The following HIVEP3 variants were observed in gnomAD, a reference collection of about 807,000 sequenced individuals.
The protein encoded by HIVEP3 is transcription factor HIVEP3.
Under a neutral mutation model 152.8 loss-of-function variants are expected in HIVEP3, and 49 were observed. The ratio of observed to expected loss-of-function variants is 0.32; its 90% confidence interval spans 0.26 to 0.41. The LOEUF (loss-of-function observed/expected upper bound fraction) is 0.41, where lower values mean the gene tolerates loss of function less well. Among genes scored for constraint, HIVEP3 ranks in the 10% least tolerant of loss-of-function variants. The pLI is 1.00. For synonymous variants in HIVEP3, 1,269 were observed against 1,289.0 expected, an observed-to-expected ratio of 0.98 and a Z score of 0.33; for missense variants, 2,790 against 3,103.3, an observed-to-expected ratio of 0.90 and a Z score of 2.40.
intron 1 of HIVEP3, among the ~76,000 whole-genome samples, chr1:41,718,413 C>T (rs750647305): frequency 1.3e-5 from 2 of 152,210 alleles, no homozygotes; most frequent in East Asian, 1.9e-4. Context: ...AAATGGTTGT[C>T]GTGAGAATTA....
intron 2 of HIVEP3, among the ~76,000 whole-genome samples, chr1:41,650,726 A>G (rs1449866261): frequency 6.6e-6 from 1 of 152,154 alleles, no homozygotes; most frequent in Non-Finnish European, 1.5e-5. Flanking sequence ...ATGTGCATAC[A>G]CAGACTTAAC....
chr1:41,788,393 C>T (rs762880948), intron 1 of HIVEP3, among the ~76,000 whole-genome samples: 30 of 152,184 alleles, frequency 2.0e-4, no homozygotes, highest in Non-Finnish European at 4.1e-4. Flanking sequence ...CTCAGAGAGG[C>T]GAAGTGGCCA....
chr1:42,034,231 C>T (rs1384849473), intron 1 of HIVEP3, among the ~76,000 whole-genome samples: 1 of 152,156 alleles, frequency 6.6e-6, no homozygotes, highest in African/African-American at 2.4e-5. Context: ...ATAAAGACCT[C>T]ATACATCAGA....
Position 41,855,388 on chromosome 1 carries a change from A to C in HIVEP3, c.-801+63025T>G, listed in dbSNP as rs561292158. ...AACTAAAGAGCTTCTGCACAGCAAA[A>C]GAAACTACCATCAGAGTGAACAGGC... On this transcript the variant is annotated intron_variant, in intron 1 of 8. Coordinates refer to ENST00000372583, the MANE Select transcript of HIVEP3 (RefSeq NM_024503.5). Among the ~76,000 whole-genome samples the C allele has an allele frequency of 2.2e-3, 332 of 152,290 alleles. 10 individuals carry two copies. The highest frequency in any genetic ancestry group is 0.021 in the Admixed American group (328 of 15,300).
intron 1 of HIVEP3, among the ~76,000 whole-genome samples, chr1:41,902,105 G>T (rs1644634698): frequency 6.6e-6 from 1 of 152,172 alleles, no homozygotes; most frequent in Admixed American, 6.5e-5. Flanking sequence ...GAGGAGGAGG[G>T]GTGGGTTACT....
At chr1:41,982,504 G>T (rs900621146) in intron 1 of HIVEP3, among the ~76,000 whole-genome samples, 1 of 152,048 alleles carries the variant, frequency 6.6e-6, no homozygotes, top group Admixed American at 6.6e-5. Context: ...TCAAAAAGAG[G>T]AATTTATGTA....
At chr1:41,906,834 C>CA (rs1553132451) in intron 1 of HIVEP3, among the ~76,000 whole-genome samples, 6 of 140,520 alleles carry the variant, frequency 4.3e-5, no homozygotes, top group Non-Finnish European at 9.3e-5. Flanking sequence ...TCCCCCTTTC[C>CA]TTTTTTTTTT....
At chr1:41,908,629 A>C (rs1318670276) in intron 1 of HIVEP3, among the ~76,000 whole-genome samples, 1 of 152,212 alleles carries the variant, frequency 6.6e-6, no homozygotes, top group Admixed American at 6.5e-5. Context: ...ATAGACTTTC[A>C]TTTTCTGAAC....
intron 5 of HIVEP3, among the ~76,000 whole-genome samples, chr1:41,548,114 T>C (rs1387810785): frequency 6.6e-6 from 1 of 152,198 alleles, no homozygotes; most frequent in Non-Finnish European, 1.5e-5. Context: ...TTTCTGAGCC[T>C]TCTGTGACCC....
At chr1:41,596,228 C>T (rs1644663789) in intron 3 of HIVEP3, among the ~76,000 whole-genome samples, 1 of 152,186 alleles carries the variant, frequency 6.6e-6, no homozygotes. Context: ...CAGTGACTGC[C>T]CTCTGAAAGC....
rs1160168239 is a variant in HIVEP3 at position 41,873,936 on chromosome 1, A to G, written c.-801+44477T>C. 1.3e-5 allele frequency among the ~76,000 whole-genome samples: 2 copies of G among 152,192 alleles called. No individual in the cohort carries two copies. Among genetic ancestry groups the G allele is most frequent in the Non-Finnish European group, 2.9e-5 (2 of 68,022 alleles). ...TACTTGCTTCATTCTGGGGTCAGGA[A>G]GAAGCTGCAGGCCCTCCTTCCCACC... On this transcript the variant is annotated intron_variant, in intron 1 of 8. Transcript: ENST00000372583. The surrounding 1 kb of genome is among the most constrained non-coding windows in gnomAD (Gnocchi z 4.2).
chr1:41,715,940 C>A (rs1298777510), intron 1 of HIVEP3, among the ~76,000 whole-genome samples: 1 of 152,228 alleles, frequency 6.6e-6, no homozygotes, highest in African/African-American at 2.4e-5. Flanking sequence ...GTGAGAGGTG[C>A]CTTCACATGG....
chr1:41,854,166 A>G (rs1570672604), intron 1 of HIVEP3, among the ~76,000 whole-genome samples: 1 of 151,020 alleles, frequency 6.6e-6, no homozygotes, highest in Middle Eastern at 3.4e-3. Context: ...TCTCTCTCTC[A>G]GTTCTGGGCT....
chr1:41,963,832 T>C (rs1324679990), intron 1 of HIVEP3, among the ~76,000 whole-genome samples: 1 of 152,206 alleles, frequency 6.6e-6, no homozygotes, highest in Non-Finnish European at 1.5e-5. Context: ...ACTTTTTTTC[T>C]GCCGAACAGA....
intron 1 of HIVEP3, among the ~76,000 whole-genome samples, chr1:41,777,948 T>G (rs1648813588): frequency 6.6e-6 from 1 of 152,238 alleles, no homozygotes; most frequent in South Asian, 2.1e-4. Context: ...TGGTGGAGCT[T>G]GCAACGTCAC....
chr1:41,853,597 T>G (rs1208829095), intron 1 of HIVEP3, among the ~76,000 whole-genome samples: 2 of 152,084 alleles, frequency 1.3e-5, no homozygotes, highest in African/African-American at 4.8e-5. Flanking sequence ...TCAAGTGAGA[T>G]TTTGGGTGGG....
At chr1:41,829,594 A>G (rs1190768298) in intron 1 of HIVEP3, among the ~76,000 whole-genome samples, 1 of 151,768 alleles carries the variant, frequency 6.6e-6, no homozygotes, top group African/African-American at 2.4e-5. Flanking sequence ...TTATAAATAA[A>G]TAAATTAAAT....
intron 2 of HIVEP3, among the ~76,000 whole-genome samples, chr1:41,691,969 C>T (rs1469231941): frequency 2.6e-5 from 4 of 151,236 alleles, no homozygotes; most frequent in Non-Finnish European, 4.4e-5. Context: ...CTCAGCCTTT[C>T]GAGTAGCTGG....
chr1:41,699,920 G>A lies in HIVEP3; in HGVS notation c.-721+996C>T, dbSNP rs117697578. Among the ~76,000 whole-genome samples the A allele has an allele frequency of 6.3e-4, 96 of 151,938 alleles. 1 individual carries two copies. In the East Asian group the frequency reaches 0.015, roughly 24 times the overall value. On this transcript the variant is annotated intron_variant, in intron 2 of 8. Coordinates refer to ENST00000372583, the MANE Select transcript of HIVEP3 (RefSeq NM_024503.5). The stretch of plus-strand genomic sequence containing the variant: ...GCTCCTGGGTGACCAGAGTCCTGCC[G>A]CTCTCTTGGCCTCACTCCCATACTC...
Sources: allele counts gnomAD v4.1 joint callset (sites outside exome capture counted in the v4.1 genomes callset), GRCh38; gene constraint gnomAD v4.1.1; non-coding constraint Gnocchi (gnomAD v3.1); transcripts MANE v1.5; gene names NCBI Gene and HGNC (gene_info 2026-07-23, HGNC 2026-07-21).